Variants in ATP2B2 observed in about 807,000 individuals in gnomAD.
The protein encoded by ATP2B2 is plasma membrane calcium-transporting ATPase 2.
A neutral mutation model predicts 120.0 loss-of-function variants in ATP2B2; 15 were observed. That is an observed-to-expected ratio of 0.12 (90% CI 0.08 to 0.19). The LOEUF is 0.19. Ranked by LOEUF, ATP2B2 falls within the 10% of genes least tolerant of loss-of-function variation. The pLI is 1.00. For missense variants in ATP2B2, 1,045 were observed against 1,719.8 expected (o/e 0.61, Z 6.94); for synonymous variants, 694 against 700.3 (o/e 0.99, Z 0.14).
intron 1 of ATP2B2, among the ~76,000 whole-genome samples, chr3:10,628,869 AC>A (rs1410269699): frequency 6.6e-6 from 1 of 152,204 alleles, no homozygotes; most frequent in East Asian, 1.9e-4. Context: ...GTTCCTGGGA[AC>A]TTCTGGTCAC....
At chr3:10,354,056 A>C (rs939675830) in intron 14 of ATP2B2, among the ~76,000 whole-genome samples, 5 of 152,166 alleles carry the variant, frequency 3.3e-5, no homozygotes, top group African/African-American at 4.8e-5. Flanking sequence ...TGCCCTGCTC[A>C]TTCTGTCCCC....
chr3:10,340,620 G>A lies in ATP2B2; in HGVS notation c.3002C>T (p.Thr1001Ile), dbSNP rs2060248624. The A allele has an allele frequency of 6.2e-7, 1 of 1,614,140 alleles. No individual in the cohort carries two copies. Among genetic ancestry groups the A allele is most frequent in the Non-Finnish European group, 8.5e-7 (1 of 1,180,056 alleles). The change falls in exon 20 of 23, where the codon ACC becomes ATC. Residue 1001 changes from threonine (T) to isoleucine (I), a missense_variant. Coordinates refer to ENST00000360273, the MANE Select transcript of ATP2B2 (RefSeq NM_001001331.4). This position sits in a 1 kb window ranked among gnomAD's most constrained non-coding sequence, Gnocchi z 5.0. ...PSEHYTIIFN[T>I]FVMMQLFNEI... ...GTTGAAGAGCTGCATCATGACGAAG[G>A]TGTTGAAGATGATGGTGTAATGTTC...
intron 10 of ATP2B2, among the ~76,000 whole-genome samples, chr3:10,377,082 A>C (rs1432942794): frequency 6.6e-6 from 1 of 152,072 alleles, no homozygotes; most frequent in Non-Finnish European, 1.5e-5. Flanking sequence ...TTGACTGTGA[A>C]CTCCATTCTT....
At chr3:10,350,001 G>A in intron 16 of ATP2B2, 111 bp downstream of exon 16, 2 of 1,116,202 alleles carry the variant, frequency 1.8e-6, no homozygotes, top group South Asian at 1.4e-5. Flanking sequence ...GGAGAGTCAG[G>A]GGCGAGGGGC....
At chr3:10,499,294 G>A (rs1209431347) in intron 1 of ATP2B2, among the ~76,000 whole-genome samples, 3 of 152,226 alleles carry the variant, frequency 2.0e-5, no homozygotes, top group Middle Eastern at 3.4e-3. Flanking sequence ...GACCACACCC[G>A]GGCCAAGCCC....
intron 2 of ATP2B2, among the ~76,000 whole-genome samples, chr3:10,579,553 A>G (rs186697025): frequency 1.3e-5 from 2 of 152,348 alleles, no homozygotes; most frequent in African/African-American, 2.4e-5. Flanking sequence ...GCACACCTGT[A>G]ACTCCAGCAC....
intron 2 of ATP2B2, among the ~76,000 whole-genome samples, chr3:10,572,979 A>T (rs1365946014): frequency 6.6e-6 from 1 of 152,204 alleles, no homozygotes; most frequent in African/African-American, 2.4e-5. Context: ...TAATGATGGA[A>T]TTTCAGGCAT....
At position 10,520,350 on chromosome 3, in the gene ATP2B2, C is replaced by T. The variant is rs75629622; in HGVS notation, c.-320+13689G>A. On this transcript the variant is annotated intron_variant, in intron 3 of 21. Coordinates refer to the ATP2B2 transcript ENST00000646379. ...TTTTAAGATCAGACTCCTGCCCTTG[C>T]GAGGTAATAGTGGAGGCTGGGAGAA... Among the ~76,000 whole-genome samples the T allele has an allele frequency of 3.5e-3, 536 of 152,264 alleles. 20 individuals carry two copies. The East Asian group carries it at 0.083, about 24-fold the overall frequency.
intron 3 of ATP2B2, among the ~76,000 whole-genome samples, chr3:10,523,219 T>C (rs2067020789): frequency 6.6e-6 from 1 of 152,182 alleles, no homozygotes; most frequent in Non-Finnish European, 1.5e-5. Flanking sequence ...TTTGTCTCCA[T>C]TTTGTAGATG....
chr3:10,701,850 C>T (rs1267530770), intron 1 of ATP2B2, among the ~76,000 whole-genome samples: 1 of 152,088 alleles, frequency 6.6e-6, no homozygotes, highest in Non-Finnish European at 1.5e-5. Context: ...CACACATCTA[C>T]TATGTGCCTA....
chr3:10,502,999 C>T (rs1559421706), intron 1 of ATP2B2, among the ~76,000 whole-genome samples: 2 of 152,190 alleles, frequency 1.3e-5, no homozygotes, highest in Admixed American at 1.3e-4. Context: ...CTATGGGCGT[C>T]CTCACTGAGA....
chr3:10,366,792 G>A (rs970785678), intron 12 of ATP2B2, among the ~76,000 whole-genome samples: 10 of 152,216 alleles, frequency 6.6e-5, no homozygotes, highest in African/African-American at 2.4e-4. Context: ...AGCTGCTAGT[G>A]GAAGTCTTGA....
chr3:10,488,920 G>A lies in ATP2B2; in HGVS notation c.-320+16545C>T, dbSNP rs113796038. 2.5e-3 allele frequency among the ~76,000 whole-genome samples: 382 copies of A among 152,136 alleles called. 1 individual carries two copies. The highest frequency in any genetic ancestry group is 8.8e-3 in the African/African-American group (364 of 41,478). On this transcript the variant is annotated intron_variant, in intron 1 of 22. Transcript: ENST00000360273. ...GCTCCTGTTGCTCCTGTCATTCTTC[G>A]AGGAAAAGCCAGGGTCCCTGTGATG...
intron 19 of ATP2B2, among the ~76,000 whole-genome samples, chr3:10,341,044 G>A (rs2060260612): frequency 6.6e-6 from 1 of 152,178 alleles, no homozygotes; most frequent in African/African-American, 2.4e-5. Flanking sequence ...ATTCTGGACT[G>A]CGAGGACAGG....
At chr3:10,616,247 G>C (rs1168135281) in intron 2 of ATP2B2, among the ~76,000 whole-genome samples, 1 of 152,154 alleles carries the variant, frequency 6.6e-6, no homozygotes, top group East Asian at 1.9e-4. Flanking sequence ...ATGTGATTAA[G>C]TTAAAATGAA....
intron 1 of ATP2B2, among the ~76,000 whole-genome samples, chr3:10,486,336 T>TGCGTGTGTGC (rs1559398907): frequency 4.1e-5 from 6 of 147,252 alleles, no homozygotes; most frequent in African/African-American, 1.6e-4. Flanking sequence ...TGTGTGTGTG[T>TGCGTGTGTGC]GTGTGTGTGT....
chr3:10,351,131 C>T (rs1011669984), intron 14 of ATP2B2, among the ~76,000 whole-genome samples: 12 of 152,192 alleles, frequency 7.9e-5, no homozygotes, highest in Non-Finnish European at 1.5e-4. Context: ...CGCCATTTCT[C>T]TGCAATAATA....
intron 22 of ATP2B2, among the ~76,000 whole-genome samples, chr3:10,333,630 A>C (rs11915910): frequency 0.11 from 16,299 of 152,192 alleles, 1,763 homozygotes; most frequent in African/African-American, 0.28. Context: ...GGGTTTGGTC[A>C]GGCTCTTTTT....
exon 2 of ATP2B2, chr3:10,619,926 G>A (rs1319291605): frequency 6.6e-6 from 1 of 152,178 alleles, no homozygotes; most frequent in African/African-American, 2.4e-5. Flanking sequence ...CCGTCTGCTT[G>A]GGGGTTCACA....
Sources: allele counts gnomAD v4.1 joint callset (sites outside exome capture counted in the v4.1 genomes callset), GRCh38; gene constraint gnomAD v4.1.1; non-coding constraint Gnocchi (gnomAD v3.1); transcripts MANE v1.5; gene names NCBI Gene and HGNC (gene_info 2026-07-23, HGNC 2026-07-21).